PRPF3: variants seen among roughly 807,000 people sequenced by gnomAD.
The protein encoded by PRPF3 is U4/U6 small nuclear ribonucleoprotein Prp3.
Under a neutral mutation model 89.2 loss-of-function variants are expected in PRPF3, and 3 were observed. The observed-to-expected ratio is 0.03, with a 90% CI of 0.02 to 0.09. The LOEUF (loss-of-function observed/expected upper bound fraction) is 0.09. Among genes scored for constraint, PRPF3 ranks in the 10% least tolerant of loss-of-function variants. PRPF3 has a pLI of 1.00. For synonymous variants in PRPF3, 270 were observed against 289.1 expected, an observed-to-expected ratio of 0.93 and a Z score of 0.67; for missense variants, 463 against 828.8, an observed-to-expected ratio of 0.56 and a Z score of 5.42.
intron 4 of PRPF3, among the ~76,000 whole-genome samples, chr1:150,331,188 A>C (rs1376662123): frequency 3.3e-5 from 5 of 150,214 alleles, no homozygotes; most frequent in African/African-American, 1.2e-4. Flanking sequence ...CAGAACGTGC[A>C]TCACCATGTC....
intron 5 of PRPF3, 80 bp from the exon 6 acceptor site, chr1:150,332,899 G>A: frequency 6.7e-7 from 1 of 1,487,592 alleles, no homozygotes; most frequent in Non-Finnish European, 9.4e-7. Context: ...CTACCATGAT[G>A]TGTGTGTATA....
intron 13 of PRPF3, 77 bp downstream of exon 13, chr1:150,346,213 G>A (rs1658258782): frequency 5.7e-6 from 8 of 1,401,402 alleles, no homozygotes; most frequent in Non-Finnish European, 7.1e-6. Flanking sequence ...GGGGAGAAAG[G>A]AGAAAAAGAT....
intron 7 of PRPF3, 148 bp downstream of exon 7, chr1:150,335,389 C>G (rs1656853496): frequency 1.1e-6 from 1 of 935,954 alleles, no homozygotes; most frequent in African/African-American, 1.7e-5. Context: ...GGACTTGTTT[C>G]ATGGAAGATA....
rs201464520 is a variant in PRPF3 at position 150,323,884 on chromosome 1, C to T, written c.-48-1011C>T. Among the ~76,000 whole-genome samples the T allele has an allele frequency of 5.8e-4, 85 of 147,386 alleles. 1 individual carries two copies. The East Asian group carries it at 0.015, about 26-fold the overall frequency. On this transcript the variant is annotated intron_variant, in intron 1 of 15. Transcript: ENST00000324862. Reference sequence around the variant, plus strand: ...CTCTGCTGCCTGGGTTCAAGTGATTCTCTTGTCTCAGCCTCCCGAGTAGCT... The same window carrying T: ...CTCTGCTGCCTGGGTTCAAGTGATTTTCTTGTCTCAGCCTCCCGAGTAGCT...
At chr1:150,324,755 C>T in intron 1 of PRPF3, 140 bp from the exon 2 acceptor site, 1 of 538,090 alleles carries the variant, frequency 1.9e-6, no homozygotes, top group South Asian at 2.0e-5. Flanking sequence ...CCATGTTGGC[C>T]AGACTGGTCT....
At chr1:150,347,275 T>TACAC (rs781861293) in intron 14 of PRPF3, among the ~76,000 whole-genome samples, 1 of 150,444 alleles carries the variant, frequency 6.6e-6, no homozygotes, top group Non-Finnish European at 1.5e-5. Context: ...TACACATACA[T>TACAC]ACACACACAC....
In PRPF3 at chr1:150,351,543, C is replaced by G. The variant is rs587694172; in HGVS notation, c.1906-1290C>G. ...AGAGATAGGGTCTTGCTCTATTGCT[C>G]AGGCTGGTGTGCAGTGGCGCAGTCA... On this transcript the variant is annotated intron_variant, in intron 15 of 15. Transcript: ENST00000324862. 4.6e-4 allele frequency among the ~76,000 whole-genome samples: 69 copies of G among 151,640 alleles called. 1 individual carries two copies. The South Asian group carries it at 0.014, about 31-fold the overall frequency.
At chr1:150,337,378 T>A (rs1355109880) in intron 7 of PRPF3, among the ~76,000 whole-genome samples, 10 of 152,064 alleles carry the variant, frequency 6.6e-5, no homozygotes, top group Non-Finnish European at 1.3e-4. Context: ...AGGCATATAC[T>A]GTGGAGTGCA....
chr1:150,324,880 C>CTTCT lies in PRPF3; in HGVS notation c.-48-13_-48-12insCTTT. On this transcript the variant is annotated splice_polypyrimidine_tract_variant and intron_variant, in intron 1 of 15. Coordinates refer to ENST00000324862, the MANE Select transcript of PRPF3 (RefSeq NM_004698.4). ...TCTTTTCTTATTCTCTAACTTGTCT[C>CTTCT]TTTTTTTTTTTTAGGTGTAGTATTG... is the stretch of plus-strand genomic sequence containing the variant. The CTTCT allele has an allele frequency of 7.4e-7, 1 of 1,343,010 alleles. No individual in the cohort carries two copies. The highest frequency in any genetic ancestry group is 1.0e-6 in the Non-Finnish European group (1 of 993,352). The allele number at this position is 1,343,010 out of a possible 1,614,324, so 83.2% of individuals were successfully genotyped here. A position where few individuals can be genotyped will look rare whatever the true frequency, so the allele number is the denominator to read the frequency against.
intron 3 of PRPF3, chr1:150,328,091 G>C: frequency 1.9e-6 from 1 of 537,524 alleles, no homozygotes. Context: ...CTTGAGATGG[G>C]AACATTTATA....
At chr1:150,322,201 A>G (rs1655124767) in intron 1 of PRPF3, among the ~76,000 whole-genome samples, 2 of 152,192 alleles carry the variant, frequency 1.3e-5, no homozygotes, top group African/African-American at 4.8e-5. Context: ...CTAGCCTATC[A>G]TTCAATTCTA....
At chr1:150,349,511 TGAG>T (rs1553873843) in intron 15 of PRPF3, among the ~76,000 whole-genome samples, 1 of 152,154 alleles carries the variant, frequency 6.6e-6, no homozygotes, top group East Asian at 1.9e-4. Context: ...GTCATGAATA[TGAG>T]ACTTGGAAAC....
intron 15 of PRPF3, among the ~76,000 whole-genome samples, chr1:150,350,493 C>T (rs1354779877): frequency 4.6e-5 from 7 of 152,192 alleles, no homozygotes; most frequent in Non-Finnish European, 8.8e-5. Flanking sequence ...TCACTGCGCC[C>T]GGCCATATAT....
At chr1:150,338,495 G>GGA (rs1657289488) in intron 8 of PRPF3, among the ~76,000 whole-genome samples, 169 bp downstream of exon 8, 1 of 35,760 alleles carries the variant, frequency 2.8e-5, no homozygotes. Flanking sequence ...ACAAGGTCCT[G>GGA]TTATTTTTTT....
chr1:150,326,078 T>G (rs1655678287), intron 3 of PRPF3, among the ~76,000 whole-genome samples, 197 bp downstream of exon 3: 1 of 152,200 alleles, frequency 6.6e-6, no homozygotes, highest in African/African-American at 2.4e-5. Context: ...GGTTGAAATA[T>G]CCAAAGAAAT....
chr1:150,339,389 G>A (rs1657420751), intron 8 of PRPF3, among the ~76,000 whole-genome samples: 1 of 150,776 alleles, frequency 6.6e-6, no homozygotes, highest in Non-Finnish European at 1.5e-5. Flanking sequence ...AAAAAAAAAG[G>A]ATATAAGACA....
intron 15 of PRPF3, among the ~76,000 whole-genome samples, chr1:150,351,021 C>A (rs904495152): frequency 6.6e-6 from 1 of 151,326 alleles, no homozygotes; most frequent in Non-Finnish European, 1.5e-5. Context: ...ACTCCCAACA[C>A]TTTGGGAGGC....
chr1:150,334,030 C>T (rs78034921), intron 6 of PRPF3, among the ~76,000 whole-genome samples: 6 of 152,130 alleles, frequency 3.9e-5, no homozygotes, highest in South Asian at 2.1e-4. Flanking sequence ...ATTGGCAGGG[C>T]GCGGTGGCTC....
At chr1:150,344,775 A>G (rs1393300694) in intron 12 of PRPF3, among the ~76,000 whole-genome samples, 3 of 148,594 alleles carry the variant, frequency 2.0e-5, no homozygotes, top group African/African-American at 7.5e-5. Flanking sequence ...TTTTTTTTTT[A>G]CCAGAATATT....
Sources: gnomAD v4.1 joint callset for allele counts (sites outside exome capture counted in the v4.1 genomes callset) on GRCh38, gnomAD v4.1.1 for gene constraint, MANE v1.5 for transcripts, NCBI Gene and HGNC (gene_info 2026-07-23, HGNC 2026-07-21) for gene names.